Variants in ELL observed in about 807,000 individuals in gnomAD.
The protein encoded by ELL is RNA polymerase II elongation factor ELL.
ELL carries 18 observed loss-of-function variants against 64.0 expected under a neutral mutation model. The ratio of observed to expected loss-of-function variants is 0.28; its 90% confidence interval spans 0.19 to 0.42. The LOEUF is 0.42. ELL is among the 10% of genes least tolerant of loss of function. ELL has a pLI of 1.00. For synonymous variants in ELL, 399 were observed against 376.2 expected, an observed-to-expected ratio of 1.06 and a Z score of -0.70; for missense variants, 797 against 870.4, an observed-to-expected ratio of 0.92 and a Z score of 1.06.
rs1287208686 is a variant in ELL at position 18,442,832 on chromosome 19, C to A, written c.*1920G>T. 1 of 218,562 alleles carries A rather than the reference C, an allele frequency of 4.6e-6. No homozygotes were observed. Among genetic ancestry groups the A allele is most frequent in the Non-Finnish European group, 9.2e-6 (1 of 108,738 alleles). The allele number at this position is 218,562 out of a possible 1,614,324, so 13.5% of individuals were successfully genotyped here. A position where few individuals can be genotyped will look rare whatever the true frequency, so the allele number is the denominator to read the frequency against. On this transcript the variant is annotated 3_prime_UTR_variant, in exon 12 of 12. Transcript: ENST00000262809. ...GTGGAAAGTTCTTGTAAACACCAAC[C>A]CCATGGCTCAAAATAGTTTTTCTCC...
At chr19:18,464,435 T>C (rs1054718672) in intron 4 of ELL, among the ~76,000 whole-genome samples, 5 of 152,190 alleles carry the variant, frequency 3.3e-5, no homozygotes, top group African/African-American at 4.8e-5. Flanking sequence ...AGCCCTGTGC[T>C]TGGGGCTTAC....
intron 1 of ELL, among the ~76,000 whole-genome samples, chr19:18,499,755 G>C (rs1975741952): frequency 6.6e-6 from 1 of 152,158 alleles, no homozygotes; most frequent in African/African-American, 2.4e-5. Flanking sequence ...GGGGCACAGG[G>C]GACAAGGGCT....
At chr19:18,505,795 C>T (rs890303754) in intron 1 of ELL, among the ~76,000 whole-genome samples, 3 of 152,240 alleles carry the variant, frequency 2.0e-5, no homozygotes, top group Admixed American at 1.3e-4. Flanking sequence ...GACAGGAAAG[C>T]AAAGTAAGGA....
At chr19:18,520,887 GT>G (rs1452161518) in intron 1 of ELL, among the ~76,000 whole-genome samples, 1 of 151,876 alleles carries the variant, frequency 6.6e-6, no homozygotes, top group Non-Finnish European at 1.5e-5. Context: ...CTGACCACTG[GT>G]CATCTGCAAC....
intron 1 of ELL, among the ~76,000 whole-genome samples, chr19:18,507,870 A>T (rs1457184287): frequency 6.6e-6 from 1 of 152,122 alleles, no homozygotes; most frequent in Non-Finnish European, 1.5e-5. Flanking sequence ...CTGGAGGCAG[A>T]CGCCTGACCC....
chr19:18,452,117 G>A (rs921342999), intron 6 of ELL, among the ~76,000 whole-genome samples: 2 of 152,124 alleles, frequency 1.3e-5, no homozygotes, highest in Admixed American at 1.3e-4. Flanking sequence ...ATGCAGCTGG[G>A]GAAGAAGGGA....
intron 5 of ELL, among the ~76,000 whole-genome samples, chr19:18,459,988 AT>A (rs1436513358): frequency 6.6e-6 from 1 of 152,228 alleles, no homozygotes; most frequent in East Asian, 1.9e-4. Flanking sequence ...AAGGCTGAAT[AT>A]TTTTATGGCT....
chr19:18,503,402 G>C (rs886813277), intron 1 of ELL, among the ~76,000 whole-genome samples: 2 of 152,240 alleles, frequency 1.3e-5, no homozygotes, highest in African/African-American at 4.8e-5. Flanking sequence ...CCCAGCAAGT[G>C]GGGGGCACGT....
chr19:18,472,529 T>C, intron 2 of ELL: 1 of 405,878 alleles, frequency 2.5e-6, no homozygotes. Flanking sequence ...TCCTAACCAG[T>C]CCAGTGCTGG....
At chr19:18,497,072 C>T (rs1321236773) in intron 1 of ELL, among the ~76,000 whole-genome samples, 1 of 152,216 alleles carries the variant, frequency 6.6e-6, no homozygotes, top group Non-Finnish European at 1.5e-5. Flanking sequence ...AAACGTGCGT[C>T]CACATGAAAA....
At chr19:18,469,945 G>A (rs1234076631) in intron 2 of ELL, among the ~76,000 whole-genome samples, 1 of 152,266 alleles carries the variant, frequency 6.6e-6, no homozygotes, top group African/African-American at 2.4e-5. Context: ...CGACAACGAT[G>A]AGCCCAGTGC....
At position 18,446,310 on chromosome 19, in the gene ELL, T is replaced by A; in HGVS notation, c.1703A>T (p.Glu568Val). The change falls in exon 10 of 12, where the codon GAG becomes GTG. Residue 568 changes from glutamate to valine, a missense_variant and splice_region_variant. Coordinates refer to ENST00000262809, the MANE Select transcript of ELL (RefSeq NM_006532.4). Reference sequence around the variant, plus strand: ...CAGTAGGCAGCGGGGGGGCTCTACCTCATACTCCTCGGAGCCCTGGGAGAG... The same window carrying A: ...CAGTAGGCAGCGGGGGGGCTCTACCACATACTCCTCGGAGCCCTGGGAGAG... The part of the protein sequence containing the change: ...RQLSQGSEEY[E>V]TTRGQILQEY... 6.3e-7 allele frequency: 1 copy of A among 1,578,168 alleles called. No homozygotes were observed. Among genetic ancestry groups the A allele is most frequent in the Non-Finnish European group, 8.6e-7 (1 of 1,165,534 alleles).
intron 2 of ELL, among the ~76,000 whole-genome samples, chr19:18,467,952 G>A (rs930525086): frequency 7.5e-5 from 9 of 119,512 alleles, no homozygotes; most frequent in African/African-American, 1.3e-4. Context: ...AACACATAGC[G>A]CCACACATAC....
intron 1 of ELL, among the ~76,000 whole-genome samples, chr19:18,503,783 G>A (rs1365945244): frequency 6.6e-6 from 1 of 152,174 alleles, no homozygotes; most frequent in African/African-American, 2.4e-5. Flanking sequence ...GTCCTGCCGA[G>A]CTTCCCTCCT....
chr19:18,461,481 A>G, intron 5 of ELL, 97 bp downstream of exon 5: 1 of 1,511,362 alleles, frequency 6.6e-7, no homozygotes, highest in Admixed American at 2.0e-5. Context: ...CTTCCTTGCC[A>G]GTCCCAATCC....
chr19:18,447,365 C>T (rs1974437394), intron 8 of ELL, among the ~76,000 whole-genome samples: 1 of 152,238 alleles, frequency 6.6e-6, no homozygotes, highest in African/African-American at 2.4e-5. Flanking sequence ...TGGTCTGTGC[C>T]CCACCCAGAT....
At chr19:18,462,966 A>T (rs143340336) in intron 4 of ELL, among the ~76,000 whole-genome samples, 8 of 152,284 alleles carry the variant, frequency 5.3e-5, no homozygotes, top group Non-Finnish European at 1.2e-4. Flanking sequence ...TCTATCCCCA[A>T]CGCAGAGACG....
chr19:18,499,253 C>T (rs1975730164), intron 1 of ELL, among the ~76,000 whole-genome samples: 1 of 152,092 alleles, frequency 6.6e-6, no homozygotes. Flanking sequence ...ATCTTGGGGC[C>T]CAAGAACTGA....
chr19:18,503,198 C>A (rs935602574), intron 1 of ELL, among the ~76,000 whole-genome samples: 3 of 152,234 alleles, frequency 2.0e-5, no homozygotes, highest in Admixed American at 2.0e-4. Context: ...TGGAGAGTGT[C>A]CAGTGGCACC....
Sources: allele counts gnomAD v4.1 joint callset (sites outside exome capture counted in the v4.1 genomes callset), GRCh38; gene constraint gnomAD v4.1.1; transcripts MANE v1.5; gene names NCBI Gene and HGNC (gene_info 2026-07-23, HGNC 2026-07-21).